Variants in PLXNA4 observed in about 807,000 individuals in gnomAD.
PLXNA4 encodes the protein plexin A4.
PLXNA4 carries 44 observed loss-of-function variants against 191.8 expected under a neutral mutation model. That is an observed-to-expected ratio of 0.23 (90% CI 0.18 to 0.29). The LOEUF is 0.29. Ranked by LOEUF, PLXNA4 falls within the 10% of genes least tolerant of loss-of-function variation. The pLI, the probability that PLXNA4 is intolerant of heterozygous loss-of-function variation, is 1.00. For missense variants in PLXNA4, 1,800 were observed against 2,488.8 expected (o/e 0.72, Z 5.89); for synonymous variants, 1,082 against 1,009.5 (o/e 1.07, Z -1.36).
At chr7:132,158,608 A>G (rs1409963326) in intron 25 of PLXNA4, among the ~76,000 whole-genome samples, 1 of 152,230 alleles carries the variant, frequency 6.6e-6, no homozygotes, top group African/African-American at 2.4e-5. Flanking sequence ...AATTCTTACT[A>G]CAAGGCAGGC....
chr7:132,225,882 C>T (rs554654402), intron 8 of PLXNA4, among the ~76,000 whole-genome samples: 2 of 152,260 alleles, frequency 1.3e-5, no homozygotes, highest in East Asian at 1.9e-4. Context: ...AAGATGTATG[C>T]GCTAGGGATG....
chr7:132,583,559 C>G (rs1802448463), intron 2 of PLXNA4, among the ~76,000 whole-genome samples: 1 of 152,148 alleles, frequency 6.6e-6, no homozygotes, highest in Non-Finnish European at 1.5e-5. Context: ...AAGAAAGAGG[C>G]AAAGAAGAAG....
chr7:132,311,346 G>T (rs1360870722), intron 3 of PLXNA4, among the ~76,000 whole-genome samples: 2 of 152,072 alleles, frequency 1.3e-5, no homozygotes, highest in African/African-American at 4.8e-5. Flanking sequence ...GGCACTTCCT[G>T]CACACCTTGC....
intron 3 of PLXNA4, among the ~76,000 whole-genome samples, chr7:132,403,089 G>A (rs1455076949): frequency 6.6e-6 from 1 of 152,250 alleles, no homozygotes; most frequent in Non-Finnish European, 1.5e-5. Context: ...AGGCTGGGCA[G>A]CCACTTCCAT....
chr7:132,159,494 T>G lies in PLXNA4; in HGVS notation c.4639A>C (p.Lys1547Gln). The G allele has an allele frequency of 6.2e-7, 1 of 1,614,160 alleles. No homozygotes were observed. The highest frequency in any genetic ancestry group is 8.5e-7 in the Non-Finnish European group (1 of 1,180,020). The change falls in exon 25 of 32, where the codon AAA (lysine) becomes CAA (glutamine). Residue 1547 changes from lysine (K) to glutamine (Q), a missense_variant. Transcript: ENST00000321063. ...FKNVPCSHRP[K>Q]AADMDLEWRQ... ...TCACCCAGATCCATATCTGCAGCTTTGGGCCGGTGGGAGCAAGGCACATTC... is the reference window on the plus strand; with the variant it reads ...TCACCCAGATCCATATCTGCAGCTTGGGGCCGGTGGGAGCAAGGCACATTC...
chr7:132,325,164 A>G (rs1802310535), intron 3 of PLXNA4, among the ~76,000 whole-genome samples: 1 of 152,168 alleles, frequency 6.6e-6, no homozygotes, highest in Non-Finnish European at 1.5e-5. Context: ...CTGTGGCTCA[A>G]ATTTTACCAC....
At chr7:132,497,328 T>C (rs1429252335) in intron 2 of PLXNA4, among the ~76,000 whole-genome samples, 2 of 152,226 alleles carry the variant, frequency 1.3e-5, no homozygotes, top group South Asian at 2.1e-4. Context: ...ACCCACTTAT[T>C]GGGAACCGTA....
chr7:132,170,690 T>C (rs1796259274), intron 21 of PLXNA4, among the ~76,000 whole-genome samples: 1 of 152,224 alleles, frequency 6.6e-6, no homozygotes, highest in Non-Finnish European at 1.5e-5. Context: ...CAGAGAGCCC[T>C]GAGATCCCTT....
chr7:132,248,003 G>A (rs1401849559), intron 4 of PLXNA4, among the ~76,000 whole-genome samples: 1 of 152,156 alleles, frequency 6.6e-6, no homozygotes, highest in African/African-American at 2.4e-5. Context: ...CCACCCCTAT[G>A]GCCTCATGGT....
chr7:132,612,853 A>G (rs1162032332), intron 2 of PLXNA4, among the ~76,000 whole-genome samples: 4 of 152,096 alleles, frequency 2.6e-5, no homozygotes, highest in African/African-American at 9.7e-5. Flanking sequence ...TGTCTCATGG[A>G]AGACAAAATC....
rs1384775547 is a variant in PLXNA4, at chr7:132,410,293, C to T, written c.1371+78999G>A. On this transcript the variant is annotated intron_variant, in intron 3 of 31. Transcript: ENST00000321063. ...AGCCAGCACTGTAGAATCCCAGAAG[C>T]AGCACAGTGCCTTCCATCTGAGCTT... 3.9e-5 allele frequency among the ~76,000 whole-genome samples: 6 copies of T among 151,962 alleles called. No homozygotes were observed. The East Asian group carries it at 7.8e-4, about 20-fold the overall frequency.
At chr7:132,591,546 C>G (rs1802603769) in intron 2 of PLXNA4, among the ~76,000 whole-genome samples, 1 of 152,072 alleles carries the variant, frequency 6.6e-6, no homozygotes, top group Admixed American at 6.5e-5. Flanking sequence ...ATACATAATG[C>G]ATTACAACAA....
In PLXNA4 at chr7:132,629,501, G is replaced by C. The variant is rs1447836339; in HGVS notation, c.-87+16427C>G. 7.9e-5 allele frequency among the ~76,000 whole-genome samples: 12 copies of C among 152,176 alleles called. No individual in the cohort carries two copies. The South Asian group carries it at 2.5e-3, about 31-fold the overall frequency. On this transcript the variant is annotated intron_variant, in intron 2 of 4. Transcript: ENST00000378539. ...CTGAACCATTACCTCTGAGTTTCTG[G>C]AGTGAGGTCCTGACCTGCATATTTT...
At chr7:132,299,736 GC>G (rs1192862824) in intron 3 of PLXNA4, among the ~76,000 whole-genome samples, 3 of 152,034 alleles carry the variant, frequency 2.0e-5, no homozygotes, top group African/African-American at 7.2e-5. Context: ...CCCACTCCTT[GC>G]TTCCCAGGTT....
intron 22 of PLXNA4, 135 bp downstream of exon 22, chr7:132,168,169 G>A: frequency 1.5e-6 from 2 of 1,294,896 alleles, no homozygotes; most frequent in Middle Eastern, 2.4e-4. Flanking sequence ...TGTAGTCCTG[G>A]CTCTGGGCTA....
chr7:132,452,041 AG>A (rs1324802072), intron 3 of PLXNA4, among the ~76,000 whole-genome samples: 1 of 152,262 alleles, frequency 6.6e-6, no homozygotes, highest in African/African-American at 2.4e-5. Flanking sequence ...TATTCCAAAA[AG>A]GGATGCTGGA....
chr7:132,222,596 G>A (rs13238505), intron 9 of PLXNA4, among the ~76,000 whole-genome samples: 4 of 151,756 alleles, frequency 2.6e-5, no homozygotes, highest in East Asian at 1.9e-4. Flanking sequence ...AAAGATACAC[G>A]CAAGACTAGG....
At chr7:132,317,998 T>C (rs1272451750) in intron 3 of PLXNA4, among the ~76,000 whole-genome samples, 1 of 152,232 alleles carries the variant, frequency 6.6e-6, no homozygotes, top group East Asian at 1.9e-4. Context: ...CTGTGCCTCC[T>C]GGGAAAGGCT....
intron 7 of PLXNA4, among the ~76,000 whole-genome samples, 197 bp from the exon 8 acceptor site, chr7:132,226,457 C>A (rs576209628): frequency 1.7e-4 from 26 of 152,334 alleles, no homozygotes; most frequent in African/African-American, 6.3e-4. Flanking sequence ...ATTCTCCCTG[C>A]CCACCGTATC....
Sources: gnomAD v4.1 joint callset for allele counts (sites outside exome capture counted in the v4.1 genomes callset) on GRCh38, gnomAD v4.1.1 for gene constraint, MANE v1.5 for transcripts, NCBI Gene and HGNC (gene_info 2026-07-23, HGNC 2026-07-21) for gene names.